Variants in TENM2 observed in about 807,000 individuals in gnomAD.
TENM2 encodes the protein teneurin-2.
In TENM2, 52 loss-of-function variants were observed where a neutral mutation model predicts 245.2. The observed-to-expected ratio is 0.21, with a 90% confidence interval of 0.17 to 0.27. The LOEUF (loss-of-function observed/expected upper bound fraction) is 0.27. Among genes scored for constraint, TENM2 ranks in the 10% least tolerant of loss-of-function variants. The pLI, the probability that TENM2 is intolerant of heterozygous loss-of-function variation, is 1.00. For missense variants in TENM2, 3,046 were observed against 3,666.8 expected (o/e 0.83, Z 4.37); for synonymous variants, 1,363 against 1,438.9 (o/e 0.95, Z 1.19).
At chr5:168,099,029 C>T (rs1042264987) in intron 9 of TENM2, among the ~76,000 whole-genome samples, 6 of 152,128 alleles carry the variant, frequency 3.9e-5, no homozygotes, top group African/African-American at 1.4e-4. Context: ...CCTACCTCAG[C>T]CTCCCAAGTA....
the TENM2 span, among the ~76,000 whole-genome samples, chr5:167,198,650 G>C: frequency 4.7e-4 from 72 of 152,020 alleles, no homozygotes; most frequent in African/African-American, 1.6e-3. Flanking sequence ...CCCTTACTTT[G>C]CAAGAGAGAT....
intron 2 of TENM2, among the ~76,000 whole-genome samples, chr5:167,699,871 A>T (rs1758023726): frequency 6.6e-6 from 1 of 152,246 alleles, no homozygotes; most frequent in South Asian, 2.1e-4. Context: ...AGTTTCCCTA[A>T]TATGCAAATG....
intron 3 of TENM2, among the ~76,000 whole-genome samples, chr5:167,923,083 G>A (rs1777492892): frequency 1.3e-5 from 2 of 152,190 alleles, no homozygotes; most frequent in Non-Finnish European, 2.9e-5. Flanking sequence ...CAGCACTTTG[G>A]GAGGCCAAGG....
At chr5:167,193,765 GTA>G in the TENM2 span, among the ~76,000 whole-genome samples, 1 of 151,916 alleles carries the variant, frequency 6.6e-6, no homozygotes, top group Non-Finnish European at 1.5e-5. Flanking sequence ...GATGGTAAGA[GTA>G]ATGATGATAA....
chr5:167,276,225 A>G, the TENM2 span, among the ~76,000 whole-genome samples: 1 of 151,928 alleles, frequency 6.6e-6, no homozygotes, highest in African/African-American at 2.4e-5. Flanking sequence ...GGTAATAAGT[A>G]GCTTCATAAA....
At chr5:167,692,547 C>T (rs1757500269) in intron 2 of TENM2, among the ~76,000 whole-genome samples, 1 of 152,188 alleles carries the variant, frequency 6.6e-6, no homozygotes, top group South Asian at 2.1e-4. Context: ...TTATCAGCAT[C>T]ACCTAAACCA....
chr5:168,153,397 GGGGAAGGT>G (rs772569337), intron 12 of TENM2, among the ~76,000 whole-genome samples: 1 of 152,220 alleles, frequency 6.6e-6, no homozygotes, highest in Non-Finnish European at 1.5e-5. Context: ...CTACAGAGAA[GGGGAAGGT>G]GGTGCTATAA....
chr5:167,256,698 T>A, the TENM2 span, among the ~76,000 whole-genome samples: 1 of 152,124 alleles, frequency 6.6e-6, no homozygotes, highest in Non-Finnish European at 1.5e-5. Flanking sequence ...TCTATCAGAA[T>A]ATATGGAAAT....
At chr5:167,767,464 G>A (rs577713133) in intron 2 of TENM2, among the ~76,000 whole-genome samples, 20 of 152,274 alleles carry the variant, frequency 1.3e-4, no homozygotes, top group Admixed American at 7.2e-4. Flanking sequence ...AAAGACCTCC[G>A]GAGATGGATG....
At chr5:167,530,396 T>A (rs1326998767) in intron 2 of TENM2, among the ~76,000 whole-genome samples, 1 of 152,220 alleles carries the variant, frequency 6.6e-6, no homozygotes, top group Non-Finnish European at 1.5e-5. Flanking sequence ...AGGCACCCTT[T>A]CTTTAGTTCT....
At chr5:168,029,393 C>A (rs1786908756) in intron 5 of TENM2, among the ~76,000 whole-genome samples, 1 of 152,174 alleles carries the variant, frequency 6.6e-6, no homozygotes. Flanking sequence ...ACAAGCTGAA[C>A]CCTAAGGATC....
intron 24 of TENM2, among the ~76,000 whole-genome samples, chr5:168,227,306 T>C (rs866389989): frequency 3.9e-5 from 6 of 152,230 alleles, no homozygotes; most frequent in African/African-American, 1.2e-4. Context: ...CCTGATGTAT[T>C]TGAGTCTCTT....
At chr5:167,316,124 T>G (rs113465358) in intron 1 of TENM2, among the ~76,000 whole-genome samples, 60 of 152,340 alleles carry the variant, frequency 3.9e-4, no homozygotes, top group African/African-American at 1.4e-3. Context: ...TCATGCTTCT[T>G]GATCTAAGAT....
chr5:167,056,615 ATATC>A, the TENM2 span, among the ~76,000 whole-genome samples: 110 of 146,882 alleles, frequency 7.5e-4, 1 homozygote, highest in East Asian at 0.021. Context: ...CTATATAAAT[ATATC>A]TATATAAATA....
chr5:168,203,244 C>G (rs1157746642), intron 17 of TENM2, among the ~76,000 whole-genome samples: 1 of 152,178 alleles, frequency 6.6e-6, no homozygotes, highest in Non-Finnish European at 1.5e-5. Context: ...TGTCAATGAG[C>G]CAGTACGATC....
intron 9 of TENM2, among the ~76,000 whole-genome samples, chr5:168,105,624 C>T (rs1472729499): frequency 6.6e-6 from 1 of 152,042 alleles, no homozygotes; most frequent in East Asian, 1.9e-4. Flanking sequence ...GAGAAAATTC[C>T]ACCAAGAAGA....
the TENM2 span, among the ~76,000 whole-genome samples, chr5:167,185,501 T>C: frequency 2.5e-4 from 38 of 152,314 alleles, no homozygotes; most frequent in African/African-American, 9.1e-4. Context: ...TATATTTGAA[T>C]ATATGTTTAG....
intron 1 of TENM2, among the ~76,000 whole-genome samples, chr5:167,298,386 G>A (rs1206691329): frequency 6.6e-6 from 1 of 152,184 alleles, no homozygotes; most frequent in Non-Finnish European, 1.5e-5. Flanking sequence ...GGCGGATCAC[G>A]AGGTCAGGAG....
At chr5:167,221,520 G>GT in the TENM2 span, among the ~76,000 whole-genome samples, 188 of 152,244 alleles carry the variant, frequency 1.2e-3, no homozygotes, top group Non-Finnish European at 2.3e-3. Flanking sequence ...TGACAGTTTA[G>GT]TTTTTTTCTT....
Sources: gnomAD v4.1 joint callset for allele counts (sites outside exome capture counted in the v4.1 genomes callset) on GRCh38, gnomAD v4.1.1 for gene constraint, MANE v1.5 for transcripts, NCBI Gene and HGNC (gene_info 2026-07-23, HGNC 2026-07-21) for gene names.